The following FTO variants were observed in gnomAD, a reference collection of about 807,000 sequenced individuals.
The protein encoded by FTO is FTO alpha-ketoglutarate dependent dioxygenase.
A neutral mutation model predicts 63.9 loss-of-function variants in FTO; 47 were observed. The observed-to-expected ratio is 0.74, with a 90% CI of 0.58 to 0.94. FTO has a LOEUF of 0.94. Among genes scored for constraint, FTO ranks in the 40% least tolerant of loss-of-function variants. The probability of loss-of-function intolerance (pLI) is 0.00; values close to 1 mark genes in which losing one functional copy is unlikely to be tolerated. For missense variants in FTO, 562 were observed against 618.1 expected (o/e 0.91, Z 0.96); for synonymous variants, 207 against 224.4 (o/e 0.92, Z 0.69).
At position 54,005,488 on chromosome 16, in the gene FTO, A is replaced by G. The variant is rs570839016; in HGVS notation, c.1364+71379A>G. 2.6e-5 allele frequency among the ~76,000 whole-genome samples: 4 copies of G among 151,706 alleles called. No individual in the cohort carries two copies. In the South Asian group the frequency reaches 8.3e-4, roughly 31 times the overall value. Reference sequence around the variant, plus strand: ...CCTAGTATATTAATGGCTATATAACATAGCTGTGTCCCAAATACATGTAAT... The same window carrying G: ...CCTAGTATATTAATGGCTATATAACGTAGCTGTGTCCCAAATACATGTAAT... On this transcript the variant is annotated intron_variant, in intron 8 of 8. Coordinates refer to ENST00000471389, the MANE Select transcript of FTO (RefSeq NM_001080432.3).
intron 8 of FTO, among the ~76,000 whole-genome samples, chr16:53,941,954 C>T (rs1339499549): frequency 6.6e-6 from 1 of 152,226 alleles, no homozygotes; most frequent in African/African-American, 2.4e-5. Flanking sequence ...TACCACATAT[C>T]CCTGGCATCT....
intron 1 of FTO, among the ~76,000 whole-genome samples, chr16:53,755,000 G>A (rs1352443742): frequency 6.6e-6 from 1 of 152,186 alleles, no homozygotes; most frequent in Non-Finnish European, 1.5e-5. Flanking sequence ...CTATAGGCAA[G>A]CCAGAAGCCA....
intron 1 of FTO, among the ~76,000 whole-genome samples, chr16:53,706,562 A>G (rs1038276047): frequency 6.6e-6 from 1 of 152,078 alleles, no homozygotes; most frequent in Non-Finnish European, 1.5e-5. Context: ...CATTCAGCGT[A>G]ATGATTTTTT....
At chr16:53,866,255 G>A (rs996841102) in intron 4 of FTO, among the ~76,000 whole-genome samples, 8 of 151,996 alleles carry the variant, frequency 5.3e-5, no homozygotes, top group Non-Finnish European at 1.0e-4. Flanking sequence ...TCACTTGGTC[G>A]TGGTGTAATT....
Position 54,071,665 on chromosome 16 carries a change from G to T in FTO, c.1365-40097G>T, listed in dbSNP as rs547085388. 4.6e-5 allele frequency: 7 copies of T among 152,286 alleles called. No homozygotes were observed. The South Asian group carries it at 1.5e-3, about 32-fold the overall frequency. The allele number at this position is 152,286 out of a possible 1,614,324, so 9.4% of individuals were successfully genotyped here. ...GAGTGGACAAATTGGGTGCCTGCAT[G>T]TAACAGGCCATCCTGGACATTGATT... is the stretch of plus-strand genomic sequence containing the variant. On this transcript the variant is annotated intron_variant, in intron 8 of 8. Transcript: ENST00000471389.
chr16:54,017,584 G>C (rs2144121391), intron 8 of FTO, among the ~76,000 whole-genome samples: 1 of 152,208 alleles, frequency 6.6e-6, no homozygotes, highest in South Asian at 2.1e-4. Flanking sequence ...TTCTTATTTA[G>C]AAATAAGAAT....
At chr16:53,801,037 A>T (rs1465450514) in intron 1 of FTO, among the ~76,000 whole-genome samples, 2 of 152,028 alleles carry the variant, frequency 1.3e-5, no homozygotes, top group Non-Finnish European at 2.9e-5. Context: ...TACTGCTTTT[A>T]AAAAAATCCA....
chr16:53,788,316 T>C (rs1008363631), intron 1 of FTO, among the ~76,000 whole-genome samples: 3 of 152,030 alleles, frequency 2.0e-5, no homozygotes, highest in African/African-American at 7.2e-5. Context: ...GAATTGACCT[T>C]ATTTGGCCAG....
chr16:53,885,016 C>A (rs1204531569), intron 6 of FTO, among the ~76,000 whole-genome samples: 2 of 152,190 alleles, frequency 1.3e-5, no homozygotes, highest in Admixed American at 6.5e-5. Flanking sequence ...CGGCCTACAA[C>A]TCTGGAGAAG....
At chr16:53,998,829 G>T (rs2084002273) in intron 8 of FTO, 2 of 152,150 alleles carry the variant, frequency 1.3e-5, no homozygotes, top group African/African-American at 2.4e-5. Flanking sequence ...TAGTCTGATT[G>T]AATTATATGT....
At chr16:53,722,865 C>T (rs2076073831) in intron 1 of FTO, among the ~76,000 whole-genome samples, 1 of 151,868 alleles carries the variant, frequency 6.6e-6, no homozygotes, top group African/African-American at 2.4e-5. Flanking sequence ...AACCATATGA[C>T]AGAATAGATC....
intron 8 of FTO, among the ~76,000 whole-genome samples, chr16:53,964,384 C>A (rs907600170): frequency 6.6e-5 from 10 of 152,262 alleles, no homozygotes; most frequent in Non-Finnish European, 1.2e-4. Flanking sequence ...GTTTACCAAC[C>A]CCTAGTTGAG....
intron 4 of FTO, among the ~76,000 whole-genome samples, chr16:53,857,898 G>C (rs1323925372): frequency 2.6e-5 from 4 of 152,042 alleles, no homozygotes; most frequent in African/African-American, 7.2e-5. Flanking sequence ...CTGACATCTT[G>C]CTTGAAAGTA....
chr16:53,879,745 G>A, intron 5 of FTO, 99 bp from the exon 6 acceptor site: 1 of 1,132,488 alleles, frequency 8.8e-7, no homozygotes, highest in Non-Finnish European at 1.3e-6. Context: ...GGCAACAGGT[G>A]AATTCACAGC....
intron 8 of FTO, among the ~76,000 whole-genome samples, chr16:54,007,997 C>T (rs1365170984): frequency 6.6e-6 from 1 of 152,162 alleles, no homozygotes; most frequent in Non-Finnish European, 1.5e-5. Context: ...CAGAAACAGC[C>T]ATTGAGTCCC....
intron 1 of FTO, among the ~76,000 whole-genome samples, chr16:53,732,125 T>C (rs1670322129): frequency 6.8e-6 from 1 of 146,686 alleles, no homozygotes; most frequent in Non-Finnish European, 1.5e-5. Context: ...CCCGGCTCAC[T>C]GCAAGCTCTG....
chr16:54,004,649 C>A (rs1043009816), intron 8 of FTO, among the ~76,000 whole-genome samples: 27 of 152,022 alleles, frequency 1.8e-4, no homozygotes, highest in African/African-American at 5.3e-4. Flanking sequence ...AGGACAGATT[C>A]AAAAATGGGA....
At chr16:53,961,067 G>A (rs1338552408) in intron 8 of FTO, among the ~76,000 whole-genome samples, 2 of 152,034 alleles carry the variant, frequency 1.3e-5, no homozygotes, top group East Asian at 1.9e-4. Flanking sequence ...TTCTGCTGCA[G>A]TGCCTACATT....
chr16:53,761,631 G>A (rs1425690002), intron 1 of FTO, among the ~76,000 whole-genome samples: 2 of 152,122 alleles, frequency 1.3e-5, no homozygotes, highest in Non-Finnish European at 2.9e-5. Flanking sequence ...TATCCTCACG[G>A]AAATTGGTTT....
Sources: allele counts gnomAD v4.1 joint callset (sites outside exome capture counted in the v4.1 genomes callset), GRCh38; gene constraint gnomAD v4.1.1; transcripts MANE v1.5; gene names NCBI Gene and HGNC (gene_info 2026-07-23, HGNC 2026-07-21).